The following USP42 variants were observed in gnomAD, a reference collection of about 807,000 sequenced individuals.
The protein encoded by USP42 is ubiquitin carboxyl-terminal hydrolase 42.
A neutral mutation model predicts 113.0 loss-of-function variants in USP42; 23 were observed. The observed-to-expected ratio is 0.20, with a 90% confidence interval of 0.15 to 0.29. The LOEUF (loss-of-function observed/expected upper bound fraction) is 0.29, where lower values mean the gene tolerates loss of function less well. USP42 is among the 10% of genes least tolerant of loss of function. USP42 has a pLI of 1.00. For missense variants in USP42, 2,174 were observed against 1,779.8 expected (o/e 1.22, Z -3.99); for synonymous variants, 933 against 699.0 (o/e 1.33, Z -5.28).
In USP42 at chr7:6,154,957, G is replaced by A. The variant is rs1782351175; in HGVS notation, c.3403G>A (p.Asp1135Asn). The change falls in exon 15 of 18, where the codon GAC becomes AAC. Residue 1135 changes from aspartate to asparagine, a missense_variant. Asp to Asn is a conservative substitution (Grantham distance 23). Transcript: ENST00000306177. ...LAPHPDRFSH[D>N]RTALVAGDNC... ...CCCGCACCCCGACCGCTTCTCCCAC[G>A]ACAGAACTGCACTTGTAGCCGGAGA... 6.4e-7 allele frequency: 1 copy of A among 1,557,658 alleles called. No individual in the cohort carries two copies. The highest frequency in any genetic ancestry group is 2.4e-5 in the East Asian group (1 of 41,466).
At chr7:6,114,103 TCTC>T (rs1177227229) in intron 2 of USP42, among the ~76,000 whole-genome samples, 1 of 152,188 alleles carries the variant, frequency 6.6e-6, no homozygotes, top group Non-Finnish European at 1.5e-5. Flanking sequence ...TCATAGGTAG[TCTC>T]CTCACAAGTG....
At chr7:6,126,031 A>G (rs1046283288) in intron 3 of USP42, among the ~76,000 whole-genome samples, 1 of 151,982 alleles carries the variant, frequency 6.6e-6, no homozygotes, top group African/African-American at 2.4e-5. Flanking sequence ...CATTTCCATC[A>G]CCTACAGAAC....
At chr7:6,127,012 A>T (rs1370159988) in intron 3 of USP42, among the ~76,000 whole-genome samples, 1 of 152,150 alleles carries the variant, frequency 6.6e-6, no homozygotes, top group East Asian at 1.9e-4. Context: ...ACTAGTGTTC[A>T]TTTTACCTGT....
Position 6,154,306 on chromosome 7 carries a change from C to A in USP42, c.2752C>A (p.Pro918Thr). 2 of 1,583,330 alleles carry A rather than the reference C, an allele frequency of 1.3e-6. No homozygotes were observed. Among genetic ancestry groups the A allele is most frequent in the Non-Finnish European group, 1.7e-6 (2 of 1,165,474 alleles). The change falls in exon 15 of 18, where the codon CCT (proline) becomes ACT (threonine). Residue 918 changes from proline (P) to threonine (T), a missense_variant. By Grantham distance (38) the Pro-to-Thr change is conservative. Coordinates refer to ENST00000306177, the MANE Select transcript of USP42 (RefSeq NM_032172.3). ...CGGTCACCCGGAAGGGGACGCTGAGCCTAGCCCCGGCGAGAGGGTCGAGGA... is the reference window on the plus strand; with the variant it reads ...CGGTCACCCGGAAGGGGACGCTGAGACTAGCCCCGGCGAGAGGGTCGAGGA... ...PAGHPEGDAE[P>T]SPGERVEDAA...
Position 6,157,117 on chromosome 7 carries a change from A to C in USP42, c.3943+62A>C. 2 of 1,470,586 alleles carry C rather than the reference A, an allele frequency of 1.4e-6. No individual in the cohort carries two copies. The highest frequency in any genetic ancestry group is 1.8e-6 in the Non-Finnish European group (2 of 1,116,238). The allele number at this position is 1,470,586 out of a possible 1,614,324, so 91.1% of individuals were successfully genotyped here. A position where few individuals can be genotyped will look rare whatever the true frequency, so the allele number is the denominator to read the frequency against. On this transcript the variant is annotated intron_variant, in intron 16 of 17. Transcript: ENST00000306177. The surrounding 1 kb of genome is among the most constrained non-coding windows in gnomAD (Gnocchi z 4.1). ...TATTTCTTAATACATTTTCTTTGCA[A>C]AGGTGATTAACATGTAGAAAGAAAA...
At chr7:6,087,472 G>A in the USP42 span, among the ~76,000 whole-genome samples, 7 of 149,908 alleles carry the variant, frequency 4.7e-5, no homozygotes, top group South Asian at 8.4e-4. Flanking sequence ...GAGTAGCTGG[G>A]ACTACATGTG....
At chr7:6,098,677 G>A in the USP42 span, among the ~76,000 whole-genome samples, 1 of 150,128 alleles carries the variant, frequency 6.7e-6, no homozygotes, top group Non-Finnish European at 1.5e-5. Context: ...TCAGCCTCCT[G>A]AGTAGCTGGG....
rs1431451433 is a variant in USP42, at chr7:6,154,829, C to T, written c.3275C>T (p.Pro1092Leu). The stretch of plus-strand genomic sequence containing the variant: ...GAGCGGGCCGGGCTGCACGAGCGGC[C>T]GCACAAGGACCACAACCGGGGCCGT... Reference protein sequence around the residue: ...EHERAGLHERPHKDHNRGRRG... With the variant: ...EHERAGLHERLHKDHNRGRRG... Residue 1092 changes from proline (P) to leucine (L), a missense_variant, in exon 15 of 18, where the codon CCG (proline) becomes CTG (leucine). Physicochemically the swap from Pro to Leu is moderately conservative, Grantham distance 98. Coordinates refer to ENST00000306177, the MANE Select transcript of USP42 (RefSeq NM_032172.3). 6 of 1,541,428 alleles carry T rather than the reference C, an allele frequency of 3.9e-6. No individual in the cohort carries two copies. The highest frequency in any genetic ancestry group is 5.3e-6 in the Non-Finnish European group (6 of 1,142,216).
At chr7:6,152,313 G>T (rs993218600) in intron 14 of USP42, among the ~76,000 whole-genome samples, 5 of 152,166 alleles carry the variant, frequency 3.3e-5, no homozygotes, top group African/African-American at 7.2e-5. Context: ...GTGAAGTTCT[G>T]ATCAAATCAC....
upstream of USP42, among the ~76,000 whole-genome samples, chr7:6,102,338 T>C (rs547073456): frequency 2.0e-3 from 298 of 150,362 alleles, 18 homozygotes; most frequent in African/African-American, 7.0e-3. Context: ...GGTCTCGAAC[T>C]CCTGATCTTG....
the USP42 span, among the ~76,000 whole-genome samples, chr7:6,091,753 T>A: frequency 6.7e-6 from 1 of 148,552 alleles, no homozygotes; most frequent in Non-Finnish European, 1.5e-5. Flanking sequence ...GTAAAAAAAT[T>A]TTTTTGGAGA....
At chr7:6,136,345 C>T (rs922169636) in intron 4 of USP42, among the ~76,000 whole-genome samples, 3 of 152,058 alleles carry the variant, frequency 2.0e-5, no homozygotes, top group African/African-American at 2.4e-5. Flanking sequence ...TGAAAAAAAC[C>T]GAACCCGTCA....
rs1229863210 is a variant in USP42, at chr7:6,159,128, C to T, written c.3944-322C>T. 6.6e-6 allele frequency among the ~76,000 whole-genome samples: 1 copy of T among 152,182 alleles called. No homozygotes were observed. Among genetic ancestry groups the T allele is most frequent in the Non-Finnish European group, 1.5e-5 (1 of 68,036 alleles). ...TCCCCCTCTACCCTGGACTTCGGCCCCTTGTCTTTCTCTTTCAAACTCCTC... is the reference window on the plus strand; with the variant it reads ...TCCCCCTCTACCCTGGACTTCGGCCTCTTGTCTTTCTCTTTCAAACTCCTC... On this transcript the variant is annotated intron_variant, in intron 16 of 17. Transcript: ENST00000306177. This position sits in a 1 kb window ranked among gnomAD's most constrained non-coding sequence, Gnocchi z 4.1.
intron 9 of USP42, among the ~76,000 whole-genome samples, chr7:6,145,202 G>A (rs2128509147): frequency 6.6e-6 from 1 of 151,424 alleles, no homozygotes; most frequent in South Asian, 2.1e-4. Flanking sequence ...GCGTGGTGGC[G>A]CACCTGTAAT....
At chr7:6,097,911 T>TC in the USP42 span, among the ~76,000 whole-genome samples, 2 of 125,542 alleles carry the variant, frequency 1.6e-5, no homozygotes, top group African/African-American at 3.0e-5. Context: ...TCTTTTCTTT[T>TC]TTTTTTTTTT....
At position 6,154,105 on chromosome 7, in the gene USP42, G is replaced by T. The variant is rs112159886; in HGVS notation, c.2551G>T (p.Ala851Ser). ...CCCGCGGGACTCGGCGTTGGCGGAA[G>T]CCCCGGAAGGGTTGAGTCCGGCTCC... ...EGPRDSALAE[A>S]PEGLSPAPPA... Residue 851 changes from alanine to serine, a missense_variant, in exon 15 of 18, where the codon GCC becomes TCC. Coordinates refer to ENST00000306177, the MANE Select transcript of USP42 (RefSeq NM_032172.3). The T allele has an allele frequency of 0.012, 18,816 of 1,603,858 alleles. 149 individuals carry two copies. Among genetic ancestry groups the T allele is most frequent in the Non-Finnish European group, 0.015 (17,228 of 1,177,928 alleles).
chr7:6,149,059 C>T (rs936376159), intron 12 of USP42, among the ~76,000 whole-genome samples: 1 of 152,200 alleles, frequency 6.6e-6, no homozygotes, highest in African/African-American at 2.4e-5. Context: ...GGGGGTGCAG[C>T]AGCCATGGGG....
chr7:6,098,021 C>G, the USP42 span, among the ~76,000 whole-genome samples: 2 of 147,574 alleles, frequency 1.4e-5, no homozygotes, highest in African/African-American at 5.1e-5. Flanking sequence ...TCTCCTGCCT[C>G]AGCCTCCTGA....
the USP42 span, among the ~76,000 whole-genome samples, chr7:6,098,374 G>A: frequency 3.3e-4 from 49 of 149,792 alleles, 3 homozygotes; most frequent in African/African-American, 1.0e-3. Flanking sequence ...TCTAGGCCCC[G>A]TAGTATCCAT....
Sources: allele counts gnomAD v4.1 joint callset (sites outside exome capture counted in the v4.1 genomes callset), GRCh38; gene constraint gnomAD v4.1.1; non-coding constraint Gnocchi (gnomAD v3.1); transcripts MANE v1.5; gene names NCBI Gene and HGNC (gene_info 2026-07-23, HGNC 2026-07-21).